Variants in TMEM163 observed in about 807,000 individuals in gnomAD.
The protein encoded by TMEM163 is transmembrane protein 163.
In TMEM163, 17 loss-of-function variants were observed where a neutral mutation model predicts 29.3. That is an observed-to-expected ratio of 0.58 (90% confidence interval 0.40 to 0.87). The LOEUF (loss-of-function observed/expected upper bound fraction) is 0.87. Among genes scored for constraint, TMEM163 ranks in the 40% least tolerant of loss-of-function variants. TMEM163 has a pLI of 0.00. For missense variants in TMEM163, 303 were observed against 381.5 expected (o/e 0.79, Z 1.71); for synonymous variants, 157 against 160.6 (o/e 0.98, Z 0.17).
chr2:134,526,335 A>G (rs1328961878), intron 4 of TMEM163, among the ~76,000 whole-genome samples: 1 of 152,172 alleles, frequency 6.6e-6, no homozygotes, highest in Non-Finnish European at 1.5e-5. Flanking sequence ...TTTTAAGTAA[A>G]CTAGTGTTCC....
In TMEM163 at chr2:134,541,778, A is replaced by G. The variant is rs909781326; in HGVS notation, c.458+8792T>C. Among the ~76,000 whole-genome samples, 233 of 85,370 alleles carry G rather than the reference A, an allele frequency of 2.7e-3. 1 individual carries two copies. Among genetic ancestry groups the G allele is most frequent in the South Asian group, 0.011 (24 of 2,176 alleles). 56.0% of individuals were successfully genotyped at this position (85,370 alleles called of 152,430 possible). On this transcript the variant is annotated intron_variant, in intron 4 of 7. Coordinates refer to ENST00000281924, the MANE Select transcript of TMEM163 (RefSeq NM_030923.5). ...TACGTGTGTGTACACACGTGCACAC[A>G]CACACACACACACACACACACACAT...
chr2:134,709,647 G>C (rs1684885321), intron 2 of TMEM163, among the ~76,000 whole-genome samples: 1 of 151,754 alleles, frequency 6.6e-6, no homozygotes, highest in Non-Finnish European at 1.5e-5. Flanking sequence ...AAATTTTAAG[G>C]CTCCCCAGTC....
intron 6 of TMEM163, among the ~76,000 whole-genome samples, chr2:134,463,773 C>T (rs1686601943): frequency 6.6e-6 from 1 of 152,222 alleles, no homozygotes. Context: ...AGCTTTGGAG[C>T]TGGTTTCCCC....
chr2:134,682,646 C>T lies in TMEM163; in HGVS notation c.322+30554G>A, dbSNP rs115327231. 3.9e-3 allele frequency among the ~76,000 whole-genome samples: 591 copies of T among 152,296 alleles called. 8 individuals carry two copies. Among genetic ancestry groups the T allele is most frequent in the African/African-American group, 0.013 (558 of 41,560 alleles). On this transcript the variant is annotated intron_variant, in intron 2 of 7. Coordinates refer to ENST00000281924, the MANE Select transcript of TMEM163 (RefSeq NM_030923.5). ...AATCCAGAATACTGTCAACACCAAA[C>T]ACTGATGAATAGGTGGAGCGACAGG...
At chr2:134,610,620 T>A (rs1682485836) in intron 2 of TMEM163, among the ~76,000 whole-genome samples, 2 of 152,182 alleles carry the variant, frequency 1.3e-5, no homozygotes, top group African/African-American at 4.8e-5. Flanking sequence ...AGAACCGACC[T>A]CCAGGAATGC....
At chr2:134,661,209 G>A (rs1002143839) in intron 2 of TMEM163, among the ~76,000 whole-genome samples, 13 of 152,152 alleles carry the variant, frequency 8.5e-5, no homozygotes, top group African/African-American at 3.1e-4. Flanking sequence ...GAGAAGGCAT[G>A]TGATGCCTTC....
At chr2:134,662,123 G>C (rs1401444053) in intron 2 of TMEM163, among the ~76,000 whole-genome samples, 1 of 151,602 alleles carries the variant, frequency 6.6e-6, no homozygotes, top group African/African-American at 2.4e-5. Flanking sequence ...TTTTAGTAGA[G>C]TCGGGGTTTC....
At chr2:134,683,588 G>A (rs1684293021) in intron 2 of TMEM163, among the ~76,000 whole-genome samples, 1 of 152,138 alleles carries the variant, frequency 6.6e-6, no homozygotes, top group African/African-American at 2.4e-5. Flanking sequence ...CTTATTAGTG[G>A]TTCTGCAACT....
intron 2 of TMEM163, among the ~76,000 whole-genome samples, chr2:134,601,853 G>C (rs1682242731): frequency 6.6e-6 from 1 of 152,104 alleles, no homozygotes; most frequent in Admixed American, 6.5e-5. Flanking sequence ...TTCTGGGTGG[G>C]GGTTACAGTA....
At chr2:134,518,607 C>T (rs909908941) in intron 4 of TMEM163, among the ~76,000 whole-genome samples, 1 of 152,218 alleles carries the variant, frequency 6.6e-6, no homozygotes. Flanking sequence ...CACATCACAT[C>T]TTCTTGGCCA....
intron 2 of TMEM163, among the ~76,000 whole-genome samples, chr2:134,693,547 TGCAG>T (rs1291046728): frequency 6.8e-6 from 1 of 147,536 alleles, no homozygotes; most frequent in Non-Finnish European, 1.5e-5. Context: ...AGGCAGAGGT[TGCAG>T]TGAGCCAAGA....
intron 4 of TMEM163, among the ~76,000 whole-genome samples, chr2:134,529,062 T>C (rs566145918): frequency 2.6e-4 from 40 of 152,368 alleles, no homozygotes; most frequent in African/African-American, 7.9e-4. Context: ...CCAGATGCTA[T>C]GGCTCACACC....
intron 5 of TMEM163, among the ~76,000 whole-genome samples, chr2:134,501,816 C>T (rs1447780628): frequency 6.6e-6 from 1 of 152,194 alleles, no homozygotes; most frequent in Non-Finnish European, 1.5e-5. Flanking sequence ...CAAATAGGTA[C>T]ATTCCTATCC....
chr2:134,527,123 T>TGA (rs1210022231), intron 4 of TMEM163, among the ~76,000 whole-genome samples: 1 of 152,222 alleles, frequency 6.6e-6, no homozygotes, highest in Non-Finnish European at 1.5e-5. Context: ...TAACAGACTA[T>TGA]TTGTCAGTCA....
At chr2:134,519,219 C>T (rs1053666715) in intron 4 of TMEM163, among the ~76,000 whole-genome samples, 19 of 152,122 alleles carry the variant, frequency 1.2e-4, no homozygotes, top group African/African-American at 4.1e-4. Context: ...ATTAGAGAGC[C>T]CCAAAAAGCA....
chr2:134,585,609 G>A (rs1307981509), intron 2 of TMEM163, among the ~76,000 whole-genome samples: 5 of 152,108 alleles, frequency 3.3e-5, no homozygotes, highest in South Asian at 2.1e-4. Context: ...GGGCGCGGTG[G>A]CGGGCACCTG....
chr2:134,520,931 G>C (rs1680176688), intron 4 of TMEM163, among the ~76,000 whole-genome samples: 1 of 151,946 alleles, frequency 6.6e-6, no homozygotes, highest in Non-Finnish European at 1.5e-5. Flanking sequence ...TTGCATTAGG[G>C]TCTGGGAAGG....
chr2:134,496,174 G>A (rs1429981569), intron 5 of TMEM163, among the ~76,000 whole-genome samples: 1 of 151,516 alleles, frequency 6.6e-6, no homozygotes, highest in African/African-American at 2.4e-5. Flanking sequence ...CAATTCTCCT[G>A]CCTCAGCCTC....
Position 134,718,738 on chromosome 2 carries a change from G to A in TMEM163, c.198C>T (p.Asp66=). The A allele has an allele frequency of 8.6e-7, 1 of 1,156,724 alleles. No individual in the cohort carries two copies. 71.7% of individuals were successfully genotyped at this position (1,156,724 alleles called of 1,614,324 possible). A position where few individuals can be genotyped will look rare whatever the true frequency, so the allele number is the denominator to read the frequency against. ...GGTCGGGCAGCTCGCGCTCACCTCG[G>A]TCCTCCAGCCCGTCGCTGAACTGGC... The part of the protein sequence containing the change: ...ESGQFSDGLE[D]RGLLESSTRL... Residue 66 remains aspartate (D), a synonymous_variant, in exon 1 of 8, where the codon GAC becomes GAT. Coordinates refer to ENST00000281924, the MANE Select transcript of TMEM163 (RefSeq NM_030923.5).
Sources: allele counts gnomAD v4.1 joint callset (sites outside exome capture counted in the v4.1 genomes callset), GRCh38; gene constraint gnomAD v4.1.1; transcripts MANE v1.5; gene names NCBI Gene and HGNC (gene_info 2026-07-23, HGNC 2026-07-21).